The following FANCI variants were observed in gnomAD, a reference collection of about 807,000 sequenced individuals.
FANCI encodes FA complementation group I, also known as Fanconi anemia group I protein.
In FANCI, 156 loss-of-function variants were observed where a neutral mutation model predicts 176.1. That is an observed-to-expected ratio of 0.89 (90% CI 0.78 to 1.01). FANCI has a LOEUF of 1.01. Ranked by LOEUF, FANCI falls within the 50% of genes least tolerant of loss-of-function variation. The pLI, the probability that FANCI is intolerant of heterozygous loss-of-function variation, is 0.00. For synonymous variants in FANCI, 613 were observed against 541.7 expected (o/e 1.13, Z -1.83); for missense variants, 1,678 against 1,534.1 (o/e 1.09, Z -1.57).
At chr15:89,254,223 G>C (rs1372935151) in intron 2 of FANCI, among the ~76,000 whole-genome samples, 1 of 152,072 alleles carries the variant, frequency 6.6e-6, no homozygotes, top group African/African-American at 2.4e-5. Context: ...ATTTTAAAAA[G>C]ATGCCTTAGT....
At chr15:89,282,471 G>C (rs1406534018) in intron 16 of FANCI, 1 of 162,436 alleles carries the variant, frequency 6.2e-6, no homozygotes, top group Admixed American at 5.6e-5. Flanking sequence ...ATATAAGACA[G>C]TAATATGTGA....
chr15:89,296,710 T>C (rs1035770410), intron 24 of FANCI, among the ~76,000 whole-genome samples: 2 of 152,162 alleles, frequency 1.3e-5, no homozygotes, highest in Non-Finnish European at 2.9e-5. Flanking sequence ...AGCTGTTGGG[T>C]ACACCTCCCA....
At chr15:89,251,674 A>C (rs1378868421) in intron 2 of FANCI, among the ~76,000 whole-genome samples, 2 of 152,228 alleles carry the variant, frequency 1.3e-5, no homozygotes, top group South Asian at 4.1e-4. Flanking sequence ...AGTGGGATTT[A>C]ATAGCAGGAA....
At position 89,261,648 on chromosome 15, in the gene FANCI, G is replaced by A. The variant is rs2052716707; in HGVS notation, c.352G>A (p.Glu118Lys). ...LANEFISAVR[E>K]GSLVNGKSLE... ...CAATGAGTTTATTAGTGCTGTCAGAGAAGGCAGCCTAGTGAATGGAAAATC... is the reference window on the plus strand; with the variant it reads ...CAATGAGTTTATTAGTGCTGTCAGAAAAGGCAGCCTAGTGAATGGAAAATC... Residue 118 changes from glutamate (E) to lysine (K), a missense_variant, in exon 5 of 38, where the codon GAA (glutamate) becomes AAA (lysine). Transcript: ENST00000310775. 6.2e-7 allele frequency: 1 copy of A among 1,614,108 alleles called. No homozygotes were observed. Among genetic ancestry groups the A allele is most frequent in the Non-Finnish European group, 8.5e-7 (1 of 1,179,966 alleles).
chr15:89,312,846 C>T, intron 34 of FANCI, 58 bp from the exon 35 acceptor site: 9 of 1,349,528 alleles, frequency 6.7e-6, no homozygotes, highest in Non-Finnish European at 9.4e-6. Flanking sequence ...TTAGCACTAG[C>T]ATGCTAGCTC....
intron 9 of FANCI, among the ~76,000 whole-genome samples, chr15:89,266,571 C>T (rs893019064): frequency 5.3e-5 from 8 of 151,958 alleles, no homozygotes; most frequent in Non-Finnish European, 1.0e-4. Flanking sequence ...TCAAGTGATC[C>T]GCCTACCTTG....
At chr15:89,278,910 C>G (rs1462781223) in intron 14 of FANCI, 136 bp downstream of exon 14, 1 of 689,754 alleles carries the variant, frequency 1.4e-6, no homozygotes, top group East Asian at 2.7e-5. Context: ...TAAAGGAAAT[C>G]CATTTATGTT....
intron 36 of FANCI, 67 bp from the exon 37 acceptor site, chr15:89,315,215 A>G: frequency 1.7e-6 from 2 of 1,192,792 alleles, no homozygotes; most frequent in Non-Finnish European, 1.3e-6. Flanking sequence ...TGAACTAAAA[A>G]TGGCTTAAGC....
rs1001373376 is a variant in FANCI at position 89,305,370 on chromosome 15, T to C, written c.3216T>C (p.Phe1072=). Reference sequence around the variant, plus strand: ...TAGAGGTGGAGAAAACAAACCACTTTGCAATAGTGAATTTGAGAACGGCTG... The same window carrying C: ...TAGAGGTGGAGAAAACAAACCACTTCGCAATAGTGAATTTGAGAACGGCTG... The part of the protein sequence containing the change: ...QDVEVEKTNH[F]AIVNLRTAAP... Residue 1072 remains phenylalanine, a synonymous_variant, in exon 30 of 38, where the codon TTT becomes TTC. Transcript: ENST00000310775. 1 of 1,614,090 alleles carries C rather than the reference T, an allele frequency of 6.2e-7. No homozygotes were observed. The highest frequency in any genetic ancestry group is 8.5e-7 in the Non-Finnish European group (1 of 1,180,034).
Position 89,268,379 on chromosome 15 carries a change from C to T in FANCI, c.756-20C>T. The T allele has an allele frequency of 6.2e-7, 1 of 1,614,006 alleles. No individual in the cohort carries two copies. On this transcript the variant is annotated intron_variant, in intron 9 of 37. Coordinates refer to ENST00000310775, the MANE Select transcript of FANCI (RefSeq NM_001113378.2). ...AGCCACTGCACCTTATAGCTCATAA[C>T]TTTCTGTTGAATCTTTTAGGCTATT...
At position 89,251,561 on chromosome 15, in the gene FANCI, AAAG is replaced by A. The variant is rs1347321098; in HGVS notation, c.84+3832_84+3834del. Among the ~76,000 whole-genome samples the A allele has an allele frequency of 2.2e-3, 341 of 152,310 alleles. 2 individuals are homozygous for A. Among genetic ancestry groups the A allele is most frequent in the Non-Finnish European group, 2.5e-4 (17 of 68,020 alleles). On this transcript the variant is annotated intron_variant, in intron 2 of 37. Transcript: ENST00000310775. ...AAACCTCATAAAGATAGCATAGAAA[AAAG>A]AGGATATAGACTAATGTAACTTACG...
chr15:89,310,539 T>C (rs1458979972), intron 34 of FANCI, among the ~76,000 whole-genome samples: 1 of 152,262 alleles, frequency 6.6e-6, no homozygotes. Flanking sequence ...CATATTTGAC[T>C]TAAAGCCTTA....
chr15:89,272,137 A>G (rs1294322085), intron 10 of FANCI, among the ~76,000 whole-genome samples: 2 of 152,016 alleles, frequency 1.3e-5, no homozygotes, highest in African/African-American at 4.8e-5. Context: ...TATTATATCC[A>G]TTCTAATGGG....
In FANCI at chr15:89,305,395, G is replaced by GCCCCCAC; in HGVS notation, c.3242_3248dup (p.Val1084ProfsTer26). On this transcript the variant is annotated frameshift_variant, in exon 30 of 38. Coordinates refer to ENST00000310775, the MANE Select transcript of FANCI (RefSeq NM_001113378.2). LOFTEE classifies it high-confidence loss of function. ...TGCAATAGTGAATTTGAGAACGGCT[G>GCCCCCAC]CCCCCACTGTCTGTGTAAGTGTTGT... The GCCCCCAC allele has an allele frequency of 3.7e-6, 6 of 1,613,580 alleles. No individual in the cohort carries two copies. The highest frequency in any genetic ancestry group is 4.2e-6 in the Non-Finnish European group (5 of 1,179,992).
At chr15:89,300,489 A>T in intron 26 of FANCI, 104 bp downstream of exon 26, 1 of 965,990 alleles carries the variant, frequency 1.0e-6, no homozygotes, top group Non-Finnish European at 1.6e-6. Flanking sequence ...CAAGTAGGAG[A>T]AGAATTTTTT....
chr15:89,260,065 A>G (rs754601298), intron 3 of FANCI, among the ~76,000 whole-genome samples: 12 of 152,266 alleles, frequency 7.9e-5, no homozygotes, highest in Admixed American at 1.3e-4. Context: ...CTGTTTTCCA[A>G]TGTGGCTGGA....
intron 18 of FANCI, among the ~76,000 whole-genome samples, 191 bp from the exon 19 acceptor site, chr15:89,290,022 A>G (rs1014838174): frequency 4.6e-5 from 7 of 152,148 alleles, no homozygotes; most frequent in African/African-American, 1.7e-4. Context: ...GCAGTTCTTA[A>G]CTAAGACTAG....
At chr15:89,267,445 AT>A (rs143321861) in intron 9 of FANCI, among the ~76,000 whole-genome samples, 1,862 of 151,962 alleles carry the variant, frequency 0.012, 32 homozygotes, top group African/African-American at 0.042. Flanking sequence ...GTTAATTAAG[AT>A]GGGACTTTAT....
intron 24 of FANCI, among the ~76,000 whole-genome samples, chr15:89,299,366 A>T (rs998419071): frequency 2.2e-4 from 34 of 152,204 alleles, no homozygotes; most frequent in African/African-American, 8.0e-4. Flanking sequence ...TCCAGGAAAT[A>T]GGAGAGAACA....
Sources: allele counts gnomAD v4.1 joint callset (sites outside exome capture counted in the v4.1 genomes callset), GRCh38; gene constraint gnomAD v4.1.1; transcripts MANE v1.5; gene names NCBI Gene and HGNC (gene_info 2026-07-23, HGNC 2026-07-21).